SPAG16: variants seen among roughly 807,000 people sequenced by gnomAD.
SPAG16 encodes sperm associated antigen 16, also known as sperm-associated antigen 16 protein.
A neutral mutation model predicts 80.4 loss-of-function variants in SPAG16; 86 were observed. The ratio of observed to expected loss-of-function variants is 1.07; its 90% CI spans 0.90 to 1.28. The LOEUF is 1.28. Among genes scored for constraint, SPAG16 ranks in the 50% most tolerant of loss-of-function variants. The pLI is 0.00. For missense variants in SPAG16, 870 were observed against 765.3 expected (o/e 1.14, Z -1.61); for synonymous variants, 294 against 265.9 (o/e 1.11, Z -1.03).
chr2:214,274,463 T>C (rs1203444571), intron 15 of SPAG16, among the ~76,000 whole-genome samples: 1 of 152,164 alleles, frequency 6.6e-6, no homozygotes, highest in African/African-American at 2.4e-5. Context: ...TTTTGAGATA[T>C]GTTCCAGCAA....
At chr2:213,356,767 T>G (rs1476313988) in intron 7 of SPAG16, among the ~76,000 whole-genome samples, 1 of 152,212 alleles carries the variant, frequency 6.6e-6, no homozygotes, top group Admixed American at 6.5e-5. Flanking sequence ...GTTCTGATCT[T>G]AGTTATTTCT....
intron 15 of SPAG16, among the ~76,000 whole-genome samples, chr2:214,268,308 C>T (rs146187886): frequency 3.6e-4 from 55 of 151,810 alleles, no homozygotes; most frequent in African/African-American, 1.3e-3. Flanking sequence ...TATATATATC[C>T]AAAGGAACTG....
chr2:214,356,985 G>C (rs1452766674), intron 15 of SPAG16, among the ~76,000 whole-genome samples: 1 of 151,666 alleles, frequency 6.6e-6, no homozygotes, highest in Admixed American at 6.6e-5. Flanking sequence ...TTTGCCTATT[G>C]TCTTCAAAGT....
At chr2:213,502,291 A>AT (rs988802185) in intron 10 of SPAG16, among the ~76,000 whole-genome samples, 13 of 149,796 alleles carry the variant, frequency 8.7e-5, no homozygotes, top group South Asian at 2.1e-4. Flanking sequence ...TATTTAAAAA[A>AT]TTTTTTTTTT....
chr2:214,243,227 G>C (rs999811477), intron 15 of SPAG16, among the ~76,000 whole-genome samples: 4 of 152,096 alleles, frequency 2.6e-5, no homozygotes, highest in Non-Finnish European at 2.9e-5. Context: ...ATTATTCTAA[G>C]TGGTATCGGT....
At chr2:213,314,233 C>T (rs1465021854) in intron 4 of SPAG16, among the ~76,000 whole-genome samples, 1 of 151,700 alleles carries the variant, frequency 6.6e-6, no homozygotes, top group Non-Finnish European at 1.5e-5. Flanking sequence ...ATAATTAATG[C>T]AGTTTTATTA....
chr2:214,308,979 G>C (rs867277326), intron 15 of SPAG16, among the ~76,000 whole-genome samples: 2 of 151,852 alleles, frequency 1.3e-5, no homozygotes, highest in African/African-American at 2.4e-5. Context: ...CCTGAAATAT[G>C]TTTTCCCAAT....
At chr2:213,947,932 T>A (rs1380858776) in intron 12 of SPAG16, among the ~76,000 whole-genome samples, 1 of 152,172 alleles carries the variant, frequency 6.6e-6, no homozygotes, top group Non-Finnish European at 1.5e-5. Flanking sequence ...TCTATTTTCC[T>A]TGTCTTGCCA....
intron 10 of SPAG16, among the ~76,000 whole-genome samples, chr2:213,795,940 C>T (rs78465592): frequency 0.027 from 4,066 of 152,210 alleles, 171 homozygotes; most frequent in African/African-American, 0.092. Context: ...ATTACCCAGC[C>T]TCAAGTGTTT....
chr2:213,665,099 A>T (rs946069690), intron 10 of SPAG16, among the ~76,000 whole-genome samples: 2 of 152,056 alleles, frequency 1.3e-5, no homozygotes, highest in Non-Finnish European at 2.9e-5. Context: ...TTTCAGCTTC[A>T]TAAAAGTTAT....
intron 1 of SPAG16, among the ~76,000 whole-genome samples, chr2:213,291,706 A>T (rs936190642): frequency 1.3e-5 from 2 of 152,138 alleles, no homozygotes; most frequent in African/African-American, 4.8e-5. Flanking sequence ...GTGTATTCCT[A>T]TTGTGTCACT....
chr2:214,284,178 C>T (rs16851709), intron 15 of SPAG16, among the ~76,000 whole-genome samples: 6,770 of 152,226 alleles, frequency 0.044, 400 homozygotes, highest in East Asian at 0.16. Context: ...CTGAAAGAGA[C>T]TGCGTTATGA....
chr2:214,273,839 A>G (rs1295381613), intron 15 of SPAG16, among the ~76,000 whole-genome samples: 1 of 152,212 alleles, frequency 6.6e-6, no homozygotes, highest in African/African-American at 2.4e-5. Context: ...GAAGAAAGTC[A>G]TTGGTAGCTT....
chr2:213,915,422 TTC>T (rs997805953), intron 11 of SPAG16, among the ~76,000 whole-genome samples: 1 of 152,080 alleles, frequency 6.6e-6, no homozygotes, highest in African/African-American at 2.4e-5. Context: ...GAATGATGGT[TTC>T]CAGCTTCATC....
intron 10 of SPAG16, among the ~76,000 whole-genome samples, chr2:213,514,776 G>A (rs1038749395): frequency 1.3e-5 from 2 of 151,894 alleles, no homozygotes; most frequent in Admixed American, 1.3e-4. Context: ...ATTTGCTAGT[G>A]AAGATACAAA....
chr2:213,451,414 T>C (rs2071682459), intron 9 of SPAG16, among the ~76,000 whole-genome samples: 1 of 152,170 alleles, frequency 6.6e-6, no homozygotes, highest in African/African-American at 2.4e-5. Context: ...AGCCAACTTC[T>C]TAATTGAACC....
intron 10 of SPAG16, among the ~76,000 whole-genome samples, chr2:213,655,461 C>A: frequency 6.6e-6 from 1 of 152,068 alleles, no homozygotes; most frequent in Non-Finnish European, 1.5e-5. Context: ...CAAAATACTC[C>A]ACTGTTTTAC....
At chr2:213,684,807 T>A (rs1292535621) in intron 10 of SPAG16, among the ~76,000 whole-genome samples, 1 of 152,244 alleles carries the variant, frequency 6.6e-6, no homozygotes, top group African/African-American at 2.4e-5. Context: ...TGCAATGTAA[T>A]GAGGATAAAT....
chr2:213,801,198 G>A (rs1402535212), intron 10 of SPAG16, among the ~76,000 whole-genome samples: 4 of 152,192 alleles, frequency 2.6e-5, no homozygotes, highest in Admixed American at 6.5e-5. Flanking sequence ...ATTAAATAGA[G>A]GAGTGAGGAA....
Sources: gnomAD v4.1 joint callset for allele counts (sites outside exome capture counted in the v4.1 genomes callset) on GRCh38, gnomAD v4.1.1 for gene constraint, MANE v1.5 for transcripts, NCBI Gene and HGNC (gene_info 2026-07-23, HGNC 2026-07-21) for gene names.